RBFOX1: variants seen among roughly 807,000 people sequenced by gnomAD.
The protein encoded by RBFOX1 is RNA binding fox-1 homolog 1.
In RBFOX1, 8 loss-of-function variants were observed where a neutral mutation model predicts 57.7. The observed-to-expected ratio is 0.14, with a 90% confidence interval of 0.08 to 0.25. RBFOX1 has a LOEUF of 0.25. Ranked by LOEUF, RBFOX1 falls within the 10% of genes least tolerant of loss-of-function variation. The pLI, the probability that RBFOX1 is intolerant of heterozygous loss-of-function variation, is 1.00. For missense variants in RBFOX1, 611 were observed against 548.5 expected, an observed-to-expected ratio of 1.11 and a Z score of -1.14; for synonymous variants, 326 against 222.4, an observed-to-expected ratio of 1.47 and a Z score of -4.15.
chr16:5,942,239 G>A (rs1030924590), intron 4 of RBFOX1, among the ~76,000 whole-genome samples: 8 of 152,164 alleles, frequency 5.3e-5, no homozygotes, highest in African/African-American at 1.9e-4. Context: ...ATAGTTTGCA[G>A]GCTAGGGTTT....
intron 4 of RBFOX1, among the ~76,000 whole-genome samples, chr16:7,170,319 C>G (rs1296758909): frequency 6.6e-6 from 1 of 152,162 alleles, no homozygotes; most frequent in Non-Finnish European, 1.5e-5. Flanking sequence ...GTCTTTCAGA[C>G]TGGAGTGCAG....
chr16:7,447,035 A>T (rs1415831090), intron 4 of RBFOX1, among the ~76,000 whole-genome samples: 2 of 151,320 alleles, frequency 1.3e-5, no homozygotes, highest in African/African-American at 4.9e-5. Flanking sequence ...GATGGTCTTG[A>T]TCTCATGACC....
intron 2 of RBFOX1, among the ~76,000 whole-genome samples, chr16:5,540,512 G>T (rs2151058423): frequency 6.6e-6 from 1 of 152,250 alleles, no homozygotes; most frequent in Non-Finnish European, 1.5e-5. Context: ...GTGAAATTTA[G>T]TCGAATTTGA....
At chr16:7,443,512 C>G (rs1167021654) in intron 4 of RBFOX1, among the ~76,000 whole-genome samples, 1 of 151,578 alleles carries the variant, frequency 6.6e-6, no homozygotes, top group African/African-American at 2.4e-5. Context: ...TTGAATCCTG[C>G]CAGATATGAA....
chr16:5,699,775 C>G (rs1038883995), intron 3 of RBFOX1, among the ~76,000 whole-genome samples: 2 of 152,146 alleles, frequency 1.3e-5, no homozygotes, highest in African/African-American at 4.8e-5. Context: ...GTTGAGAAAT[C>G]CTTCATGATA....
At chr16:7,247,918 C>T (rs984562329) in intron 4 of RBFOX1, among the ~76,000 whole-genome samples, 2 of 152,026 alleles carry the variant, frequency 1.3e-5, no homozygotes, top group African/African-American at 2.4e-5. Context: ...GGGAGAGGAT[C>T]AGGAAAAATA....
intron 1 of RBFOX1, among the ~76,000 whole-genome samples, chr16:6,077,300 G>A (rs917130163): frequency 3.5e-5 from 5 of 141,760 alleles, no homozygotes; most frequent in African/African-American, 7.8e-5. Context: ...CACATATGGA[G>A]CATTTCTTGC....
chr16:7,473,690 A>C (rs1599333483), intron 4 of RBFOX1, among the ~76,000 whole-genome samples: 2 of 151,938 alleles, frequency 1.3e-5, no homozygotes, highest in East Asian at 3.9e-4. Flanking sequence ...AAGAGAGAGA[A>C]TGTGGTGGAA....
At chr16:6,264,101 A>T (rs1385954952) in intron 1 of RBFOX1, among the ~76,000 whole-genome samples, 3 of 152,198 alleles carry the variant, frequency 2.0e-5, no homozygotes, top group Non-Finnish European at 4.4e-5. Context: ...CTCAAAACTT[A>T]TAGTTACACA....
At chr16:6,539,399 C>T (rs2096780210) in intron 2 of RBFOX1, among the ~76,000 whole-genome samples, 1 of 152,148 alleles carries the variant, frequency 6.6e-6, no homozygotes, top group Admixed American at 6.5e-5. Flanking sequence ...CAGCAGCACT[C>T]CACATCAACG....
intron 1 of RBFOX1, chr16:5,270,659 A>C (rs1299127295): frequency 1.8e-6 from 1 of 545,082 alleles, no homozygotes; most frequent in Non-Finnish European, 3.4e-6. Flanking sequence ...ACAGTCTGCC[A>C]AATCCAGAAG....
intron 4 of RBFOX1, among the ~76,000 whole-genome samples, chr16:7,173,038 G>C (rs533160037): frequency 6.6e-6 from 1 of 152,232 alleles, no homozygotes; most frequent in South Asian, 2.1e-4. Context: ...TTTCCTGGTA[G>C]AAATAAGATA....
intron 2 of RBFOX1, among the ~76,000 whole-genome samples, chr16:6,467,718 C>G (rs10492830): frequency 0.15 from 22,805 of 152,206 alleles, 2,571 homozygotes; most frequent in East Asian, 0.47. Context: ...CTGGACTCTT[C>G]CATCTATGGC....
At chr16:5,939,519 C>G (rs1410292444) in intron 4 of RBFOX1, among the ~76,000 whole-genome samples, 1 of 152,198 alleles carries the variant, frequency 6.6e-6, no homozygotes. Context: ...TGAGCATCCT[C>G]ACAACATGGC....
At chr16:5,657,666 C>T (rs1436313701) in intron 3 of RBFOX1, among the ~76,000 whole-genome samples, 1 of 98,510 alleles carries the variant, frequency 1.0e-5, no homozygotes, top group Non-Finnish European at 2.1e-5. Context: ...TCTTTTCTTT[C>T]TTTCTTTTCT....
chr16:7,167,326 T>C (rs555185984), intron 4 of RBFOX1, among the ~76,000 whole-genome samples: 1 of 151,944 alleles, frequency 6.6e-6, no homozygotes, highest in African/African-American at 2.4e-5. Flanking sequence ...TAAGGATCTC[T>C]AGGTGAAATC....
At chr16:6,808,717 G>C (rs1338945953) in intron 3 of RBFOX1, among the ~76,000 whole-genome samples, 1 of 152,078 alleles carries the variant, frequency 6.6e-6, no homozygotes, top group Non-Finnish European at 1.5e-5. Flanking sequence ...TCTGCCCCCA[G>C]GTAATACTGT....
chr16:6,230,192 G>A (rs974616100), intron 1 of RBFOX1, among the ~76,000 whole-genome samples: 1 of 152,140 alleles, frequency 6.6e-6, no homozygotes, highest in Non-Finnish European at 1.5e-5. Flanking sequence ...AAGAGATGAA[G>A]TTAAGCAATT....
At chr16:5,800,942 T>A (rs2055036448) in intron 3 of RBFOX1, among the ~76,000 whole-genome samples, 1 of 152,132 alleles carries the variant, frequency 6.6e-6, no homozygotes, top group Non-Finnish European at 1.5e-5. Flanking sequence ...TGCCTTCTTG[T>A]CCCTGATACA....
Sources: gnomAD v4.1 joint callset for allele counts (sites outside exome capture counted in the v4.1 genomes callset) on GRCh38, gnomAD v4.1.1 for gene constraint, MANE v1.5 for transcripts, NCBI Gene and HGNC (gene_info 2026-07-23, HGNC 2026-07-21) for gene names.